The following GRIN2A variants were observed in gnomAD, a reference collection of about 807,000 sequenced individuals.
GRIN2A encodes the protein glutamate receptor ionotropic, NMDA 2A.
In GRIN2A, 22 loss-of-function variants were observed where a neutral mutation model predicts 113.4. The observed-to-expected ratio is 0.19, with a 90% CI of 0.14 to 0.28. The LOEUF is 0.28. GRIN2A is among the 10% of genes least tolerant of loss of function. The probability of loss-of-function intolerance (pLI) is 1.00; values close to 1 mark genes in which losing one functional copy is unlikely to be tolerated. For synonymous variants in GRIN2A, 827 were observed against 738.4 expected, an observed-to-expected ratio of 1.12 and a Z score of -1.94; for missense variants, 1,502 against 1,887.0, an observed-to-expected ratio of 0.80 and a Z score of 3.78.
chr16:10,080,611 C>T (rs930217883), intron 2 of GRIN2A, among the ~76,000 whole-genome samples: 2 of 152,184 alleles, frequency 1.3e-5, no homozygotes, highest in Non-Finnish European at 2.9e-5. Context: ...TGATGGATTT[C>T]TCCACGGCAG....
At chr16:9,765,051 C>A in intron 12 of GRIN2A, 103 bp from the exon 13 acceptor site, 2 of 1,485,202 alleles carry the variant, frequency 1.3e-6, no homozygotes, top group Non-Finnish European at 1.9e-6. Context: ...GCACTTCTTG[C>A]AGGAGCCCTG....
At chr16:10,182,565 G>A (rs1415720203), upstream of GRIN2A, 1 of 150,890 alleles carries the variant, frequency 6.6e-6, no homozygotes, top group East Asian at 2.0e-4. Flanking sequence ...ACCCTCTTGT[G>A]ATCCTGCCGC....
At chr16:9,896,329 G>T (rs143196179) in intron 3 of GRIN2A, among the ~76,000 whole-genome samples, 13 of 152,270 alleles carry the variant, frequency 8.5e-5, no homozygotes, top group African/African-American at 2.9e-4. Flanking sequence ...GATTACAGGC[G>T]TGAGCCACCA....
In GRIN2A at chr16:9,754,614, T is replaced by G. The variant is rs767749; in HGVS notation, c.*8535A>C. On this transcript the variant is annotated 3_prime_UTR_variant, in exon 13 of 13. Transcript: ENST00000330684. ...GTAAGTGGTCATGGCCCCAGAGCTTTTCTACAAACTTAATAAACTAAAGAT... is the reference window on the plus strand; with the variant it reads ...GTAAGTGGTCATGGCCCCAGAGCTTGTCTACAAACTTAATAAACTAAAGAT... 0.81 allele frequency: 173,369 copies of G among 214,156 alleles called. 70,738 individuals are homozygous for G. Among genetic ancestry groups the G allele is most frequent in the Middle Eastern group, 0.89 (588 of 662 alleles). The allele number at this position is 214,156 out of a possible 1,614,324, so 13.3% of individuals were successfully genotyped here. A position where few individuals can be genotyped will look rare whatever the true frequency, so the allele number is the denominator to read the frequency against.
At chr16:9,911,179 G>T (rs1323084551) in intron 3 of GRIN2A, among the ~76,000 whole-genome samples, 2 of 152,134 alleles carry the variant, frequency 1.3e-5, no homozygotes, top group African/African-American at 4.8e-5. Flanking sequence ...GTCAGCCCGT[G>T]TAGAGAAGTT....
At chr16:10,158,662 C>T (rs2049751567) in intron 2 of GRIN2A, among the ~76,000 whole-genome samples, 1 of 152,154 alleles carries the variant, frequency 6.6e-6, no homozygotes, top group Non-Finnish European at 1.5e-5. Flanking sequence ...GTGAAAGATG[C>T]CAGATGCAAA....
chr16:9,783,630 G>C (rs894578404), intron 11 of GRIN2A, among the ~76,000 whole-genome samples: 29 of 152,100 alleles, frequency 1.9e-4, no homozygotes, highest in African/African-American at 6.8e-4. Context: ...CAATCACCAA[G>C]GGCTCTGTGT....
intron 4 of GRIN2A, among the ~76,000 whole-genome samples, chr16:9,874,691 T>C (rs2043331089): frequency 6.6e-6 from 1 of 152,194 alleles, no homozygotes; most frequent in Non-Finnish European, 1.5e-5. Context: ...ACTTGCTTTG[T>C]AACCTTAGGC....
At chr16:9,813,499 C>T (rs1471775570) in intron 10 of GRIN2A, among the ~76,000 whole-genome samples, 1 of 142,306 alleles carries the variant, frequency 7.0e-6, no homozygotes, top group Non-Finnish European at 1.5e-5. Flanking sequence ...TGATATATTT[C>T]TTTTTAGTCT....
rs529080558 is a variant in GRIN2A at position 9,853,571 on chromosome 16, G to C, written c.1123-3610C>G. 7.2e-5 allele frequency among the ~76,000 whole-genome samples: 11 copies of C among 152,240 alleles called. No individual in the cohort carries two copies. In the East Asian group the frequency reaches 2.1e-3, roughly 29 times the overall value. ...AGAAACAAGTTTCTGTGGTTTATAAGCCACCCAGTCTATGGTATTCTGTTA... is the reference window on the plus strand; with the variant it reads ...AGAAACAAGTTTCTGTGGTTTATAACCCACCCAGTCTATGGTATTCTGTTA... On this transcript the variant is annotated intron_variant, in intron 4 of 12. Transcript: ENST00000330684.
intron 4 of GRIN2A, among the ~76,000 whole-genome samples, chr16:9,858,854 C>T (rs2043012882): frequency 6.6e-6 from 1 of 152,114 alleles, no homozygotes; most frequent in Non-Finnish European, 1.5e-5. Flanking sequence ...CTGCAAAAGG[C>T]TGGAAGAAAT....
chr16:10,036,893 C>A (rs1218088647), intron 2 of GRIN2A: 1 of 152,086 alleles, frequency 6.6e-6, no homozygotes, highest in Non-Finnish European at 1.5e-5. Flanking sequence ...AACTTGATTA[C>A]CTCTGTAAAG....
intron 12 of GRIN2A, among the ~76,000 whole-genome samples, chr16:9,765,559 G>C (rs7202950): frequency 6.6e-6 from 1 of 151,936 alleles, no homozygotes; most frequent in Non-Finnish European, 1.5e-5. Context: ...ACTCTTTGAG[G>C]GGGGGATAGA....
At chr16:9,998,105 C>T (rs946284068) in intron 2 of GRIN2A, among the ~76,000 whole-genome samples, 1 of 152,098 alleles carries the variant, frequency 6.6e-6, no homozygotes, top group African/African-American at 2.4e-5. Flanking sequence ...TCTGTTTTTA[C>T]CCAAAAACAT....
intron 3 of GRIN2A, among the ~76,000 whole-genome samples, chr16:9,891,987 G>A (rs1229598412): frequency 2.0e-5 from 3 of 152,168 alleles, no homozygotes; most frequent in African/African-American, 7.2e-5. Flanking sequence ...CCAGCACTTT[G>A]GGAGGCTGAG....
chr16:9,991,363 T>C (rs1247198662), intron 2 of GRIN2A, among the ~76,000 whole-genome samples: 2 of 152,232 alleles, frequency 1.3e-5, no homozygotes, highest in African/African-American at 4.8e-5. Context: ...TAAGTGGTCC[T>C]ACAGGTAAAA....
chr16:9,763,706 G>A lies in GRIN2A; in HGVS notation c.3838C>T (p.Gln1280Ter), dbSNP rs1555482197. ...DWAQNNALQLQKNKLRISRQH... is the reference protein window; with the variant it reads ...DWAQNNALQL ...CGGCTAATCCTTAGCTTGTTCTTTTGTAATTGAAGGGCATTGTTCTGTGCC... is the reference window on the plus strand; with the variant it reads ...CGGCTAATCCTTAGCTTGTTCTTTTATAATTGAAGGGCATTGTTCTGTGCC... Residue 1280 changes from glutamine to a stop codon, truncating the protein, a stop_gained, in exon 13 of 13, where the codon CAA becomes TAA. Transcript: ENST00000330684. LOFTEE classifies it high-confidence loss of function. 6.2e-7 allele frequency: 1 copy of A among 1,614,022 alleles called. No individual in the cohort carries two copies. The highest frequency in any genetic ancestry group is 2.2e-5 in the East Asian group (1 of 44,880).
intron 10 of GRIN2A, among the ~76,000 whole-genome samples, chr16:9,801,765 G>A (rs1485811262): frequency 6.6e-6 from 1 of 152,218 alleles, no homozygotes; most frequent in Non-Finnish European, 1.5e-5. Context: ...GTGGGCTGGT[G>A]GTCATGCTGT....
chr16:9,895,834 A>G (rs2043794463), intron 3 of GRIN2A, among the ~76,000 whole-genome samples: 1 of 152,200 alleles, frequency 6.6e-6, no homozygotes, highest in South Asian at 2.1e-4. Flanking sequence ...ATTATCCAAC[A>G]CTTTGGGGTG....
Sources: allele counts gnomAD v4.1 joint callset (sites outside exome capture counted in the v4.1 genomes callset), GRCh38; gene constraint gnomAD v4.1.1; transcripts MANE v1.5; gene names NCBI Gene and HGNC (gene_info 2026-07-23, HGNC 2026-07-21).